Variants in DENND5A observed in about 807,000 individuals in gnomAD.
DENND5A encodes the protein DENN domain-containing protein 5A.
DENND5A carries 64 observed loss-of-function variants against 140.3 expected under a neutral mutation model. That is an observed-to-expected ratio of 0.46 (90% CI 0.37 to 0.56). The LOEUF (loss-of-function observed/expected upper bound fraction) is 0.56, where lower values mean the gene tolerates loss of function less well. Ranked by LOEUF, DENND5A falls within the 20% of genes least tolerant of loss-of-function variation. The probability of loss-of-function intolerance (pLI) is 0.00; values close to 1 mark genes in which losing one functional copy is unlikely to be tolerated. For synonymous variants in DENND5A, 605 were observed against 607.7 expected, an observed-to-expected ratio of 1.00 and a Z score of 0.07; for missense variants, 1,292 against 1,593.8, an observed-to-expected ratio of 0.81 and a Z score of 3.22.
At position 9,145,738 on chromosome 11, in the gene DENND5A, T is replaced by C. The variant is rs776057421; in HGVS notation, c.2935A>G (p.Ile979Val). The change falls in exon 17 of 23, where the codon ATA becomes GTA. Residue 979 changes from isoleucine to valine, a missense_variant. Transcript: ENST00000328194. The stretch of plus-strand genomic sequence containing the variant: ...TGTGTCTCACCCAATTCTCCTGATA[T>C]ACAGATCCATGGGTTGGCAGTGAAC... ...SMFTANPWIC[I>V]SGELGETQIM... 15 of 1,614,038 alleles carry C rather than the reference T, an allele frequency of 9.3e-6. No homozygotes were observed. Among genetic ancestry groups the C allele is most frequent in the Middle Eastern group, 3.3e-4 (2 of 6,084 alleles).
chr11:9,196,891 G>T (rs60120890), intron 4 of DENND5A, among the ~76,000 whole-genome samples: 3 of 152,040 alleles, frequency 2.0e-5, no homozygotes, highest in Middle Eastern at 6.8e-3. Context: ...GATTACAGGC[G>T]TGAGCCACCA....
intron 12 of DENND5A, among the ~76,000 whole-genome samples, chr11:9,152,759 T>C (rs1317847347): frequency 6.6e-6 from 1 of 151,350 alleles, no homozygotes; most frequent in African/African-American, 2.4e-5. Flanking sequence ...ATCCCAACAC[T>C]TCAGGAAGCC....
chr11:9,251,280 G>C (rs1022146798), intron 1 of DENND5A, among the ~76,000 whole-genome samples: 2 of 151,996 alleles, frequency 1.3e-5, no homozygotes, highest in Non-Finnish European at 2.9e-5. Context: ...GGCTAACCCA[G>C]CTAGTTCAGT....
chr11:9,160,690 A>G (rs756445087), intron 12 of DENND5A, 23 bp downstream of exon 12: 1 of 1,594,178 alleles, frequency 6.3e-7, no homozygotes, highest in South Asian at 1.1e-5. Flanking sequence ...TTGCTCAGCA[A>G]TGAGAGGCAA....
chr11:9,228,111 A>AAAAAAAAAAAAAAAAAAAAAC (rs1491224235), intron 1 of DENND5A, among the ~76,000 whole-genome samples: 15 of 27,676 alleles, frequency 5.4e-4, no homozygotes, highest in African/African-American at 2.9e-3. Flanking sequence ...ACTCCATCTC[A>AAAAAAAAAAAAAAAAAAAAAC]AAAAAAAAAA....
chr11:9,174,394 G>A (rs927666064), intron 8 of DENND5A, among the ~76,000 whole-genome samples: 19 of 151,400 alleles, frequency 1.3e-4, no homozygotes, highest in Non-Finnish European at 7.4e-5. Flanking sequence ...TAGATTAAAA[G>A]TAAAATAATG....
intron 1 of DENND5A, among the ~76,000 whole-genome samples, chr11:9,231,475 G>T (rs981119418): frequency 3.9e-5 from 6 of 151,948 alleles, no homozygotes; most frequent in Non-Finnish European, 7.4e-5. Context: ...CAGCACTTTG[G>T]GAGGCAGAGG....
intron 1 of DENND5A, among the ~76,000 whole-genome samples, chr11:9,214,334 T>G (rs1017835772): frequency 6.6e-6 from 1 of 152,232 alleles, no homozygotes; most frequent in African/African-American, 2.4e-5. Context: ...ACCTGTCTGA[T>G]GGCAGGGCAC....
chr11:9,160,834 C>T lies in DENND5A; in HGVS notation c.2315G>A (p.Arg772Gln), dbSNP rs370563907. The T allele has an allele frequency of 4.5e-5, 72 of 1,613,946 alleles. No individual in the cohort carries two copies. Among genetic ancestry groups the T allele is most frequent in the Non-Finnish European group, 5.4e-5 (64 of 1,179,914 alleles). The change falls in exon 12 of 23, where the codon CGA becomes CAA. Residue 772 changes from arginine (R) to glutamine (Q), a missense_variant. Around this residue, in one of 4 missense-constraint regions of DENND5A, gnomAD observed 498 missense variants for 689.7 expected, o/e 0.72. Coordinates refer to ENST00000328194, the MANE Select transcript of DENND5A (RefSeq NM_015213.4). ...TKRMLVEKMG[R>Q]EAVELGHGEV... The stretch of plus-strand genomic sequence containing the variant: ...CCCATGCCCTAGCTCCACAGCTTCT[C>T]GGCCCATCTTTTCCACCAGCATCCT...
At chr11:9,233,699 C>A (rs1037622884) in intron 1 of DENND5A, among the ~76,000 whole-genome samples, 1 of 152,032 alleles carries the variant, frequency 6.6e-6, no homozygotes, top group African/African-American at 2.4e-5. Context: ...GTGGTGTAGT[C>A]AGAAACCAAA....
At chr11:9,192,347 G>C (rs184968576) in intron 5 of DENND5A, among the ~76,000 whole-genome samples, 1 of 152,114 alleles carries the variant, frequency 6.6e-6, no homozygotes, top group Non-Finnish European at 1.5e-5. Flanking sequence ...CTCTACCCCC[G>C]GCCGGGCGCG....
chr11:9,142,579 G>A, intron 21 of DENND5A, 143 bp downstream of exon 21: 1 of 1,114,130 alleles, frequency 9.0e-7, no homozygotes, highest in African/African-American at 1.6e-5. Context: ...CTCCCTTCAA[G>A]AAAAACCAGA....
chr11:9,139,527 T>G lies in DENND5A; in HGVS notation c.*144A>C. The G allele has an allele frequency of 1.4e-6, 1 of 707,832 alleles. No homozygotes were observed. The highest frequency in any genetic ancestry group is 2.1e-5 in the South Asian group (1 of 48,492). 43.8% of individuals were successfully genotyped at this position (707,832 alleles called of 1,614,324 possible). On this transcript the variant is annotated 3_prime_UTR_variant, in exon 23 of 23. Transcript: ENST00000328194. ...ATAAACTCTAAAATAGATTATTTAT[T>G]CCAAAAATCCTCTAGTTTTCTTTTT...
At chr11:9,227,168 C>CAAAA (rs1177337282) in intron 1 of DENND5A, among the ~76,000 whole-genome samples, 2 of 140,902 alleles carry the variant, frequency 1.4e-5, no homozygotes, top group Admixed American at 7.0e-5. Flanking sequence ...AACTCCATCT[C>CAAAA]AAAATAAATA....
At chr11:9,162,606 C>T (rs962517528) in intron 11 of DENND5A, among the ~76,000 whole-genome samples, 8 of 152,038 alleles carry the variant, frequency 5.3e-5, no homozygotes, top group Non-Finnish European at 1.0e-4. Flanking sequence ...TTCCATTCAC[C>T]TTCCCACTCT....
At chr11:9,198,472 G>A (rs1564910517) in intron 4 of DENND5A, among the ~76,000 whole-genome samples, 1 of 152,040 alleles carries the variant, frequency 6.6e-6, no homozygotes. Flanking sequence ...TTAGGTGGGC[G>A]TGGTGGTGCA....
At chr11:9,171,659 A>C (rs1848377665) in intron 8 of DENND5A, 1 of 151,014 alleles carries the variant, frequency 6.6e-6, no homozygotes, top group South Asian at 2.1e-4. Flanking sequence ...CCAGGACTTC[A>C]AGACCAGCCT....
At position 9,193,624 on chromosome 11, in the gene DENND5A, T is replaced by C; in HGVS notation, c.1007A>G (p.Gln336Arg). ...AATAGGGACATAGACATGCTGCCACTGGAAAGGAAACATGAGAGCTGTAAT... is the reference window on the plus strand; with the variant it reads ...AATAGGGACATAGACATGCTGCCACCGGAAAGGAAACATGAGAGCTGTAAT... ...ETITALMFPF[Q>R]WQHVYVPILP... The change falls in exon 5 of 23, where the codon CAG becomes CGG. Residue 336 changes from glutamine to arginine, a missense_variant. Around this residue, in one of 4 missense-constraint regions of DENND5A, gnomAD observed 566 missense variants for 650.4 expected, o/e 0.87. Transcript: ENST00000328194. The C allele has an allele frequency of 6.2e-7, 1 of 1,613,972 alleles. No homozygotes were observed. The highest frequency in any genetic ancestry group is 8.5e-7 in the Non-Finnish European group (1 of 1,179,970).
intron 5 of DENND5A, among the ~76,000 whole-genome samples, chr11:9,188,118 A>G (rs1182393056): frequency 6.6e-6 from 1 of 151,994 alleles, no homozygotes; most frequent in African/African-American, 2.4e-5. Context: ...CCAGTGGGGG[A>G]TAGTTGAATC....
Sources: gnomAD v4.1 joint callset for allele counts (sites outside exome capture counted in the v4.1 genomes callset) on GRCh38, gnomAD v4.1.1 for gene constraint, gnomAD v4.1.1 regional missense constraint, MANE v1.5 for transcripts, NCBI Gene and HGNC (gene_info 2026-07-23, HGNC 2026-07-21) for gene names.